The following SCN1A variants were observed in gnomAD, a reference collection of about 807,000 sequenced individuals.
SCN1A encodes the protein sodium channel protein type 1 subunit alpha.
SCN1A carries 13 observed loss-of-function variants against 193.7 expected under a neutral mutation model. The observed-to-expected ratio is 0.07, with a 90% CI of 0.04 to 0.11. The LOEUF (loss-of-function observed/expected upper bound fraction) is 0.11, where lower values mean the gene tolerates loss of function less well. Among genes scored for constraint, SCN1A ranks in the 10% least tolerant of loss-of-function variants. The pLI, the probability that SCN1A is intolerant of heterozygous loss-of-function variation, is 1.00. For synonymous variants in SCN1A, 781 were observed against 843.6 expected, an observed-to-expected ratio of 0.93 and a Z score of 1.29; for missense variants, 1,432 against 2,451.1, an observed-to-expected ratio of 0.58 and a Z score of 8.78.
chr2:166,014,783 A>C (rs898946695), intron 20 of SCN1A, among the ~76,000 whole-genome samples: 4 of 151,634 alleles, frequency 2.6e-5, no homozygotes, highest in African/African-American at 9.7e-5. Flanking sequence ...GAGAAAAAAG[A>C]TAGAAAAGTA....
intron 2 of SCN1A, among the ~76,000 whole-genome samples, chr2:166,109,229 G>T (rs944418949): frequency 6.6e-6 from 1 of 152,040 alleles, no homozygotes; most frequent in Non-Finnish European, 1.5e-5. Flanking sequence ...CAAAATTTAG[G>T]TTGGAATTTT....
chr2:166,053,331 T>A, intron 7 of SCN1A, among the ~76,000 whole-genome samples: 1 of 151,992 alleles, frequency 6.6e-6, no homozygotes, highest in Non-Finnish European at 1.5e-5. Context: ...GACACCCTTG[T>A]TGTCACTCTG....
chr2:166,070,067 G>T (rs1454861194), intron 4 of SCN1A, among the ~76,000 whole-genome samples: 1 of 152,152 alleles, frequency 6.6e-6, no homozygotes, highest in Non-Finnish European at 1.5e-5. Context: ...TCCAACTTTA[G>T]TCAGAGCAAA....
chr2:166,103,064 G>C (rs1287856465), intron 2 of SCN1A, among the ~76,000 whole-genome samples: 1 of 134,342 alleles, frequency 7.4e-6, no homozygotes, highest in Non-Finnish European at 1.7e-5. Context: ...CTTTAGATTT[G>C]GGAGATATAT....
chr2:166,142,549 A>G (rs1418980492), intron 1 of SCN1A, among the ~76,000 whole-genome samples: 2 of 152,198 alleles, frequency 1.3e-5, no homozygotes, highest in Non-Finnish European at 1.5e-5. Context: ...AAAACACTCT[A>G]TCACTGCTAC....
intron 16 of SCN1A, 142 bp from the exon 17 acceptor site, chr2:166,039,738 ATGAAAGACTT>A: frequency 1.4e-6 from 1 of 731,590 alleles, no homozygotes; most frequent in East Asian, 2.7e-5. Context: ...TTTGTAGTTG[ATGAAAGACTT>A]TCATATACAT....
At chr2:166,056,387 A>T (rs1699131862) in intron 6 of SCN1A, 24 bp downstream of exon 6, 1 of 1,359,468 alleles carries the variant, frequency 7.4e-7, no homozygotes. Context: ...TATATATGTT[A>T]TTAAAAATAT....
chr2:166,035,401 T>C (rs1696191533), intron 19 of SCN1A, among the ~76,000 whole-genome samples: 2 of 152,170 alleles, frequency 1.3e-5, no homozygotes, highest in Non-Finnish European at 2.9e-5. Flanking sequence ...TTATCAGTCA[T>C]TTCCGAGTTA....
At chr2:166,013,208 T>C (rs1211846433) in intron 21 of SCN1A, among the ~76,000 whole-genome samples, 1 of 151,562 alleles carries the variant, frequency 6.6e-6, no homozygotes, top group African/African-American at 2.4e-5. Context: ...AAACCCATCC[T>C]TAAATGAATC....
At chr2:166,084,811 G>A (rs950914067) in intron 2 of SCN1A, among the ~76,000 whole-genome samples, 1 of 152,150 alleles carries the variant, frequency 6.6e-6, no homozygotes, top group Non-Finnish European at 1.5e-5. Flanking sequence ...TAAAAAGAAT[G>A]TGTGTTTGGA....
intron 12 of SCN1A, 134 bp from the exon 13 acceptor site, chr2:166,045,461 T>C: frequency 9.5e-7 from 1 of 1,055,624 alleles, no homozygotes; most frequent in Non-Finnish European, 1.4e-6. Context: ...GAAGATTCTC[T>C]GCAAGTATAA....
At chr2:166,059,805 A>T (rs1354090662) in intron 4 of SCN1A, among the ~76,000 whole-genome samples, 1 of 152,148 alleles carries the variant, frequency 6.6e-6, no homozygotes, top group East Asian at 1.9e-4. Context: ...GATTTCCCCT[A>T]TACTTGCAGG....
chr2:166,141,874 G>A (rs1438390764), intron 1 of SCN1A, among the ~76,000 whole-genome samples: 1 of 151,990 alleles, frequency 6.6e-6, no homozygotes, highest in East Asian at 1.9e-4. Flanking sequence ...TAACCCAGTA[G>A]GTATCAATAG....
intron 10 of SCN1A, among the ~76,000 whole-genome samples, chr2:166,048,271 G>A (rs1698090433): frequency 6.6e-6 from 1 of 151,986 alleles, no homozygotes; most frequent in Non-Finnish European, 1.5e-5. Flanking sequence ...TGTGTCATGA[G>A]GGTTTGTTGT....
At chr2:166,101,428 G>A (rs1431379184) in intron 2 of SCN1A, among the ~76,000 whole-genome samples, 1 of 149,644 alleles carries the variant, frequency 6.7e-6, no homozygotes, top group Non-Finnish European at 1.5e-5. Flanking sequence ...GTTAGTGGGT[G>A]CAGCGCACCA....
chr2:166,103,449 TTAAATAAATAAATAAATAAATAAA>T (rs56754104), intron 2 of SCN1A, among the ~76,000 whole-genome samples: 2 of 142,916 alleles, frequency 1.4e-5, no homozygotes, highest in African/African-American at 2.6e-5. Flanking sequence ...AGACTCTGTC[TTAAATAAATAAATAAATAAATAAA>T]TAAATAAATA....
intron 18 of SCN1A, 59 bp downstream of exon 18, chr2:166,037,717 A>G: frequency 6.9e-7 from 1 of 1,454,206 alleles, no homozygotes; most frequent in Non-Finnish European, 9.7e-7. Flanking sequence ...TTAGTTACAT[A>G]TGTATACATG....
intron 23 of SCN1A, among the ~76,000 whole-genome samples, chr2:166,005,769 G>C (rs1047775741): frequency 2.6e-5 from 4 of 151,380 alleles, no homozygotes; most frequent in South Asian, 2.1e-4. Flanking sequence ...TGGTTCTTAT[G>C]GGGGGAAGAA....
upstream of SCN1A, among the ~76,000 whole-genome samples, chr2:166,130,885 A>G (rs1020419473): frequency 2.6e-5 from 4 of 152,160 alleles, no homozygotes; most frequent in Non-Finnish European, 5.9e-5. Flanking sequence ...AATTAGTGTA[A>G]TATGCACTTA....
Sources: allele counts gnomAD v4.1 joint callset (sites outside exome capture counted in the v4.1 genomes callset), GRCh38; gene constraint gnomAD v4.1.1; transcripts MANE v1.5; gene names NCBI Gene and HGNC (gene_info 2026-07-23, HGNC 2026-07-21).